The following EEF2K variants were observed in gnomAD, a reference collection of about 807,000 sequenced individuals.
EEF2K encodes alternative protein EEF2K.
In EEF2K, 70 loss-of-function variants were observed where a neutral mutation model predicts 93.8. The ratio of observed to expected loss-of-function variants is 0.75; its 90% CI spans 0.62 to 0.91. EEF2K has a LOEUF of 0.91. Among genes scored for constraint, EEF2K ranks in the 40% least tolerant of loss-of-function variants. The pLI, the probability that EEF2K is intolerant of heterozygous loss-of-function variation, is 0.00. For synonymous variants in EEF2K, 376 were observed against 380.8 expected, an observed-to-expected ratio of 0.99 and a Z score of 0.15; for missense variants, 935 against 972.9, an observed-to-expected ratio of 0.96 and a Z score of 0.52.
intron 2 of EEF2K, among the ~76,000 whole-genome samples, chr16:22,234,711 T>G (rs1443710514): frequency 1.3e-5 from 2 of 151,910 alleles, no homozygotes; most frequent in African/African-American, 4.8e-5. Context: ...CTATACCCCT[T>G]AGCCATCACG....
At chr16:22,225,550 G>A in intron 1 of EEF2K, 104 bp from the exon 2 acceptor site, 1 of 908,176 alleles carries the variant, frequency 1.1e-6, no homozygotes, top group Non-Finnish European at 1.6e-6. Context: ...TTTACCCCAA[G>A]GGTGCCAGCT....
intron 6 of EEF2K, among the ~76,000 whole-genome samples, chr16:22,252,543 G>A (rs1005749655): frequency 6.6e-6 from 1 of 152,192 alleles, no homozygotes; most frequent in Non-Finnish European, 1.5e-5. Context: ...ATGCAGATTG[G>A]GCACACCCTA....
chr16:22,257,725 C>T lies in EEF2K; in HGVS notation c.984C>T (p.Leu328=), dbSNP rs1286371159. 1.2e-6 allele frequency: 2 copies of T among 1,613,910 alleles called. No homozygotes were observed. Among genetic ancestry groups the T allele is most frequent in the African/African-American group, 1.3e-5 (1 of 74,934 alleles). Residue 328 remains leucine (L), a synonymous_variant, in exon 9 of 18, where the codon CTC becomes CTT. Transcript: ENST00000263026. The part of the protein sequence containing the change: ...CESMGLAPFD[L]SPRERDAVNQ... The stretch of plus-strand genomic sequence containing the variant: ...GCATGGGCCTTGCTCCCTTTGACCT[C>T]TCGCCCCGGGAGAGGGATGCAGTGA...
intron 3 of EEF2K, among the ~76,000 whole-genome samples, chr16:22,246,138 T>C (rs888945479): frequency 6.6e-6 from 1 of 152,156 alleles, no homozygotes; most frequent in Non-Finnish European, 1.5e-5. Flanking sequence ...GAACCCCTCC[T>C]TGGGTTTGAT....
chr16:22,215,054 G>A (rs532824499), intron 1 of EEF2K, among the ~76,000 whole-genome samples: 2 of 152,278 alleles, frequency 1.3e-5, no homozygotes, highest in South Asian at 2.1e-4. Flanking sequence ...CTGATAGGTT[G>A]TGGAATGCGA....
At position 22,222,135 on chromosome 16, in the gene EEF2K, T is replaced by C. The variant is rs2047019520; in HGVS notation, c.-76-3519T>C. ...CTCTACAGCTGCTTATTTCGAGTGC[T>C]GTACAGTTCCTGTGGATTTTTCAGG... On this transcript the variant is annotated intron_variant, in intron 1 of 17. Coordinates refer to ENST00000263026, the MANE Select transcript of EEF2K (RefSeq NM_013302.5). 2.0e-5 allele frequency among the ~76,000 whole-genome samples: 3 copies of C among 152,180 alleles called. No individual in the cohort carries two copies. In the South Asian group the frequency reaches 6.2e-4, roughly 32 times the overall value.
At chr16:22,231,518 C>T (rs1393371392) in intron 2 of EEF2K, among the ~76,000 whole-genome samples, 1 of 152,084 alleles carries the variant, frequency 6.6e-6, no homozygotes, top group Non-Finnish European at 1.5e-5. Context: ...TGGCAGTTCT[C>T]TCTATGGGAG....
At chr16:22,233,196 C>G (rs2047133193) in intron 2 of EEF2K, among the ~76,000 whole-genome samples, 1 of 152,136 alleles carries the variant, frequency 6.6e-6, no homozygotes, top group Admixed American at 6.6e-5. Context: ...CTGTGAAACT[C>G]GCACGTACAC....
At chr16:22,207,729 A>T (rs1453487267) in intron 1 of EEF2K, among the ~76,000 whole-genome samples, 1 of 152,100 alleles carries the variant, frequency 6.6e-6, no homozygotes, top group Non-Finnish European at 1.5e-5. Context: ...GGTCAGAGTG[A>T]TCCCCAGGCC....
intron 15 of EEF2K, among the ~76,000 whole-genome samples, chr16:22,269,684 A>G (rs8052987): frequency 0.071 from 10,830 of 152,124 alleles, 1,259 homozygotes; most frequent in African/African-American, 0.24. Flanking sequence ...TTACAGGCAT[A>G]AGCCACAGTG....
chr16:22,220,177 T>C (rs1260022081), intron 1 of EEF2K, among the ~76,000 whole-genome samples: 1 of 152,228 alleles, frequency 6.6e-6, no homozygotes, highest in Non-Finnish European at 1.5e-5. Flanking sequence ...AGCAAATTTA[T>C]GACAACTCAA....
chr16:22,284,083 G>C lies in EEF2K; in HGVS notation c.*87G>C. On this transcript the variant is annotated 3_prime_UTR_variant, in exon 18 of 18. Transcript: ENST00000263026. ...AACAACAACAACTTATTTAGTTTGG[G>C]GAGGGGAAGCATTTTTAAGTGTGTT... 8.5e-7 allele frequency: 1 copy of C among 1,183,326 alleles called. No individual in the cohort carries two copies. Among genetic ancestry groups the C allele is most frequent in the Non-Finnish European group, 1.2e-6 (1 of 835,444 alleles). The allele number at this position is 1,183,326 out of a possible 1,614,324, so 73.3% of individuals were successfully genotyped here.
rs1054729684 is a variant in EEF2K, at chr16:22,288,636, T to C, written c.*4640T>C. The C allele has an allele frequency of 6.6e-6, 1 of 152,218 alleles. No individual in the cohort carries two copies. The highest frequency in any genetic ancestry group is 1.5e-5 in the Non-Finnish European group (1 of 68,040). The allele number at this position is 152,218 out of a possible 1,614,324, so 9.4% of individuals were successfully genotyped here. A position where few individuals can be genotyped will look rare whatever the true frequency, so the allele number is the denominator to read the frequency against. On this transcript the variant is annotated 3_prime_UTR_variant, in exon 18 of 18. Coordinates refer to ENST00000263026, the MANE Select transcript of EEF2K (RefSeq NM_013302.5). ...TCTCTAAGGTGACCCTTTAACCTAC[T>C]CAAGATGGGGCCCAGAGAAGTGGCC... is the stretch of plus-strand genomic sequence containing the variant.
intron 1 of EEF2K, among the ~76,000 whole-genome samples, chr16:22,222,601 G>T (rs2047024788): frequency 6.6e-6 from 1 of 151,132 alleles, no homozygotes; most frequent in African/African-American, 2.4e-5. Context: ...TGGGAGCAGT[G>T]GCTCATGCCT....
chr16:22,243,922 C>CAAAA (rs1011054825), intron 2 of EEF2K, among the ~76,000 whole-genome samples: 900 of 61,936 alleles, frequency 0.015, 14 homozygotes, highest in African/African-American at 0.044. Context: ...GACCCTGTCT[C>CAAAA]AAAAAAAAAA....
intron 1 of EEF2K, among the ~76,000 whole-genome samples, chr16:22,207,895 G>A (rs753630813): frequency 6.6e-6 from 1 of 152,174 alleles, no homozygotes; most frequent in Non-Finnish European, 1.5e-5. Context: ...TGTAGCAAGT[G>A]CTGTTTAAGC....
rs2047262846 is a variant in EEF2K, at chr16:22,244,395, T to C, written c.247-235T>C. ...CCTATTTTCATTCTCAACTCTTTGA[T>C]CCAAGCGTTGTGTAGTTAAGATGTG... On this transcript the variant is annotated intron_variant, in intron 2 of 17. Transcript: ENST00000263026. Among the ~76,000 whole-genome samples, 3 of 151,798 alleles carry C rather than the reference T, an allele frequency of 2.0e-5. No homozygotes were observed. In the South Asian group the frequency reaches 6.2e-4, roughly 32 times the overall value.
At chr16:22,234,877 C>CTTTTTTTTTTTTT (rs1173052779) in intron 2 of EEF2K, among the ~76,000 whole-genome samples, 3 of 90,618 alleles carry the variant, frequency 3.3e-5, no homozygotes, top group South Asian at 8.6e-4. Flanking sequence ...TTTTTTGTTG[C>CTTTTTTTTTTTTT]TTTTTTTTTT....
chr16:22,238,649 CA>C (rs111341257), intron 2 of EEF2K, among the ~76,000 whole-genome samples: 1 of 75,640 alleles, frequency 1.3e-5, no homozygotes, highest in South Asian at 4.1e-4. Context: ...TACCTGGTCT[CA>C]AAAAAAAAGA....
Sources: gnomAD v4.1 joint callset for allele counts (sites outside exome capture counted in the v4.1 genomes callset) on GRCh38, gnomAD v4.1.1 for gene constraint, MANE v1.5 for transcripts, NCBI Gene and HGNC (gene_info 2026-07-23, HGNC 2026-07-21) for gene names.